Variants in PPARGC1B observed in about 807,000 individuals in gnomAD.
PPARGC1B encodes the protein PPARG coactivator 1 beta.
Under a neutral mutation model 101.6 loss-of-function variants are expected in PPARGC1B, and 34 were observed. That is an observed-to-expected ratio of 0.33 (90% CI 0.25 to 0.45). PPARGC1B has a LOEUF of 0.45. PPARGC1B is among the 20% of genes least tolerant of loss of function. The probability of loss-of-function intolerance (pLI) is 1.00; values close to 1 mark genes in which losing one functional copy is unlikely to be tolerated. For missense variants in PPARGC1B, 1,234 were observed against 1,317.6 expected (o/e 0.94, Z 0.98); for synonymous variants, 548 against 539.3 (o/e 1.02, Z -0.22).
intron 1 of PPARGC1B, among the ~76,000 whole-genome samples, chr5:149,777,132 T>G (rs1194217542): frequency 6.6e-6 from 1 of 152,196 alleles, no homozygotes; most frequent in Non-Finnish European, 1.5e-5. Flanking sequence ...GAATCTGTTC[T>G]TCTTCTTGTT....
intron 1 of PPARGC1B, among the ~76,000 whole-genome samples, chr5:149,785,466 G>T (rs73265642): frequency 6.4e-4 from 97 of 152,310 alleles, no homozygotes; most frequent in African/African-American, 2.1e-3. Context: ...ACAATAAAAG[G>T]CACCACCCTC....
chr5:149,812,594 G>A (rs1233288894), intron 1 of PPARGC1B, among the ~76,000 whole-genome samples: 6 of 152,216 alleles, frequency 3.9e-5, no homozygotes, highest in Admixed American at 3.3e-4. Context: ...AAGTGCTTTA[G>A]TTATTTTATT....
At chr5:149,831,488 C>T (rs959868229) in intron 4 of PPARGC1B, among the ~76,000 whole-genome samples, 8 of 152,350 alleles carry the variant, frequency 5.3e-5, no homozygotes, top group South Asian at 2.1e-4. Flanking sequence ...ATCGGGACCT[C>T]TCAGACAGCA....
At position 149,833,013 on chromosome 5, in the gene PPARGC1B, A is replaced by G; in HGVS notation, c.940A>G (p.Lys314Glu). ...LPPQTPEPLPKACSNPSQQVR... is the reference protein window; with the variant it reads ...LPPQTPEPLPEACSNPSQQVR... ...CCCACAGACCCCTGAGCCACTCCCCAAGGCCTGCAGCAACCCCTCCCAGCA... is the reference window on the plus strand; with the variant it reads ...CCCACAGACCCCTGAGCCACTCCCCGAGGCCTGCAGCAACCCCTCCCAGCA... The change falls in exon 5 of 12, where the codon AAG becomes GAG. Residue 314 changes from lysine (K) to glutamate (E), a missense_variant. By Grantham distance (56) the Lys-to-Glu change is moderately conservative (BLOSUM62 1). Transcript: ENST00000309241. The surrounding 1 kb of genome is among the most constrained non-coding windows in gnomAD (Gnocchi z 4.1). 1 of 1,613,518 alleles carries G rather than the reference A, an allele frequency of 6.2e-7. No individual in the cohort carries two copies. The highest frequency in any genetic ancestry group is 8.5e-7 in the Non-Finnish European group (1 of 1,179,978).
intron 1 of PPARGC1B, among the ~76,000 whole-genome samples, chr5:149,817,252 T>G (rs1400537730): frequency 6.6e-6 from 1 of 152,156 alleles, no homozygotes; most frequent in Non-Finnish European, 1.5e-5. Context: ...CCCAGCACTT[T>G]GTGGGGCTGA....
chr5:149,803,308 C>T (rs374595886), intron 1 of PPARGC1B, among the ~76,000 whole-genome samples: 22 of 152,320 alleles, frequency 1.4e-4, no homozygotes, highest in African/African-American at 5.3e-4. Context: ...TTGACTTGCT[C>T]TGTGACTTTA....
At chr5:149,732,996 G>A (rs747984978) in intron 1 of PPARGC1B, 3 of 209,030 alleles carry the variant, frequency 1.4e-5, no homozygotes, top group East Asian at 1.8e-4. Context: ...TGGTGGTGCC[G>A]CAAGAGAATC....
chr5:149,732,436 C>A (rs1214255998), intron 1 of PPARGC1B, among the ~76,000 whole-genome samples: 2 of 152,244 alleles, frequency 1.3e-5, no homozygotes, highest in Non-Finnish European at 2.9e-5. Flanking sequence ...ACTCGATCTT[C>A]AGTGTTTGGC....
At chr5:149,817,494 G>A (rs917436820) in intron 1 of PPARGC1B, 12 of 342,714 alleles carry the variant, frequency 3.5e-5, no homozygotes, top group Non-Finnish European at 6.9e-5. Context: ...AACACAAAGA[G>A]CGTGAAAAGA....
rs1359427496 is a variant in PPARGC1B at position 149,833,606 on chromosome 5, G to A, written c.1533G>A (p.Leu511=). 3.7e-6 allele frequency: 6 copies of A among 1,607,918 alleles called. No homozygotes were observed. The highest frequency in any genetic ancestry group is 5.1e-6 in the Non-Finnish European group (6 of 1,177,486). ...AAGGTGCTCTGCCCTCACTGTGCCT[G>A]GCTCCCAAGGCCTACGACGTAGAGC... ...EPQGALPSLC[L]APKAYDVERE... is the part of the protein sequence containing the mutation. The change falls in exon 5 of 12, where the codon CTG becomes CTA. Residue 511 remains leucine (L), a synonymous_variant. Coordinates refer to ENST00000309241, the MANE Select transcript of PPARGC1B (RefSeq NM_133263.4). This position sits in a 1 kb window ranked among gnomAD's most constrained non-coding sequence, Gnocchi z 4.1.
rs377127237 is a variant in PPARGC1B, at chr5:149,847,263, C to CTGA, written c.2972-193_2972-191dup. On this transcript the variant is annotated intron_variant, in intron 11 of 11. Transcript: ENST00000309241. The stretch of plus-strand genomic sequence containing the variant: ...ATAGGACAGCCAAGGCCCTGAGACA[C>CTGA]TGATACCATGGCCAAGATGTCCCAG... 316 of 716,846 alleles carry CTGA rather than the reference C, an allele frequency of 4.4e-4. No homozygotes were observed. In the African/African-American group the frequency reaches 5.1e-3, roughly 12 times the overall value. 44.4% of individuals were successfully genotyped at this position (716,846 alleles called of 1,614,324 possible). A position where few individuals can be genotyped will look rare whatever the true frequency, so the allele number is the denominator to read the frequency against.
intron 1 of PPARGC1B, among the ~76,000 whole-genome samples, chr5:149,771,347 T>C (rs1310105958): frequency 2.0e-5 from 3 of 152,126 alleles, no homozygotes; most frequent in African/African-American, 7.2e-5. Flanking sequence ...GTGGGGAAAT[T>C]GGGGTCCCAA....
At chr5:149,775,744 A>G (rs986297122) in intron 1 of PPARGC1B, among the ~76,000 whole-genome samples, 1 of 152,190 alleles carries the variant, frequency 6.6e-6, no homozygotes, top group African/African-American at 2.4e-5. Flanking sequence ...GATGGGAGCC[A>G]GGAAGCACTC....
intron 1 of PPARGC1B, among the ~76,000 whole-genome samples, chr5:149,780,753 A>AAAAGCAGGATGACTGT (rs1226847667): frequency 2.6e-5 from 4 of 152,266 alleles, no homozygotes; most frequent in African/African-American, 9.6e-5. Context: ...AAACAGAATC[A>AAAAGCAGGATGACTGT]AAAGCAGGAT....
chr5:149,731,934 C>A (rs1053004073), intron 1 of PPARGC1B, among the ~76,000 whole-genome samples: 2 of 152,054 alleles, frequency 1.3e-5, no homozygotes, highest in Non-Finnish European at 2.9e-5. Flanking sequence ...GCCGCGTGGT[C>A]GGTGGCGGGC....
intron 1 of PPARGC1B, among the ~76,000 whole-genome samples, chr5:149,769,948 C>T (rs1476731413): frequency 2.6e-5 from 4 of 152,254 alleles, no homozygotes; most frequent in South Asian, 4.2e-4. Flanking sequence ...TGAACCACAT[C>T]GGCAGAGTCC....
chr5:149,820,755 G>T, intron 2 of PPARGC1B, 149 bp downstream of exon 2: 1 of 779,308 alleles, frequency 1.3e-6, no homozygotes, highest in Non-Finnish European at 2.0e-6. Flanking sequence ...GGTTTCTCGT[G>T]CTGGATGGGC....
At chr5:149,762,334 A>G (rs1208466508) in intron 1 of PPARGC1B, among the ~76,000 whole-genome samples, 1 of 152,062 alleles carries the variant, frequency 6.6e-6, no homozygotes, top group African/African-American at 2.4e-5. Flanking sequence ...TTTAGTAGAA[A>G]TGAGGTTTTA....
At chr5:149,732,872 A>G in intron 1 of PPARGC1B, 1 of 471,250 alleles carries the variant, frequency 2.1e-6, no homozygotes. Context: ...ATAGCACTGG[A>G]CTTGGAGTCA....
Sources: gnomAD v4.1 joint callset for allele counts (sites outside exome capture counted in the v4.1 genomes callset) on GRCh38, gnomAD v4.1.1 for gene constraint, Gnocchi (gnomAD v3.1) non-coding constraint, MANE v1.5 for transcripts, NCBI Gene and HGNC (gene_info 2026-07-23, HGNC 2026-07-21) for gene names.